MAGI1: variants seen among roughly 807,000 people sequenced by gnomAD.
The protein encoded by MAGI1 is membrane-associated guanylate kinase, WW and PDZ domain-containing protein 1.
A neutral mutation model predicts 139.9 loss-of-function variants in MAGI1; 58 were observed. The ratio of observed to expected loss-of-function variants is 0.41; its 90% CI spans 0.34 to 0.52. The LOEUF (loss-of-function observed/expected upper bound fraction) is 0.52, where lower values mean the gene tolerates loss of function less well. Among genes scored for constraint, MAGI1 ranks in the 20% least tolerant of loss-of-function variants. The pLI is 0.12. For synonymous variants in MAGI1, 812 were observed against 737.9 expected (o/e 1.10, Z -1.63); for missense variants, 1,874 against 1,901.6 (o/e 0.99, Z 0.27).
chr3:65,864,533 C>T (rs1277386772), intron 1 of MAGI1, among the ~76,000 whole-genome samples: 1 of 152,362 alleles, frequency 6.6e-6, no homozygotes, highest in Non-Finnish European at 1.5e-5. Context: ...CTCCATGTCA[C>T]GTGCCACACA....
intron 8 of MAGI1, among the ~76,000 whole-genome samples, chr3:65,440,223 T>G (rs1174943988): frequency 1.3e-5 from 2 of 152,166 alleles, no homozygotes; most frequent in African/African-American, 4.8e-5. Flanking sequence ...GCTACCAGTT[T>G]TATATGCATT....
At chr3:65,718,647 C>T (rs564208279) in intron 1 of MAGI1, 7 of 152,114 alleles carry the variant, frequency 4.6e-5, no homozygotes, top group Non-Finnish European at 7.4e-5. Flanking sequence ...TTTCAGAGCA[C>T]GTTCTCAGAT....
At chr3:65,583,734 A>G (rs1224852620) in intron 2 of MAGI1, among the ~76,000 whole-genome samples, 1 of 152,190 alleles carries the variant, frequency 6.6e-6, no homozygotes, top group Non-Finnish European at 1.5e-5. Context: ...GAAGAAGAAT[A>G]GGGCTCTTTA....
chr3:65,579,985 C>T (rs765896980), intron 2 of MAGI1, among the ~76,000 whole-genome samples: 31 of 152,020 alleles, frequency 2.0e-4, no homozygotes, highest in Non-Finnish European at 4.4e-4. Context: ...TTCACATGAT[C>T]TTATGAAACT....
At chr3:65,607,494 C>T (rs962395481) in intron 2 of MAGI1, among the ~76,000 whole-genome samples, 3 of 152,126 alleles carry the variant, frequency 2.0e-5, no homozygotes, top group African/African-American at 4.8e-5. Context: ...AGTCCAAGCA[C>T]TGTTCTAGGC....
At chr3:65,668,060 C>G (rs1435749785) in intron 1 of MAGI1, among the ~76,000 whole-genome samples, 1 of 152,078 alleles carries the variant, frequency 6.6e-6, no homozygotes, top group Non-Finnish European at 1.5e-5. Flanking sequence ...AGATTCAGAC[C>G]ATGAACTCCA....
intron 1 of MAGI1, among the ~76,000 whole-genome samples, chr3:65,808,659 G>A (rs996838358): frequency 2.0e-5 from 3 of 152,118 alleles, no homozygotes; most frequent in Non-Finnish European, 2.9e-5. Context: ...TTACATACCC[G>A]TGGGACCCAC....
chr3:65,466,600 G>A (rs1429949555), intron 5 of MAGI1, among the ~76,000 whole-genome samples: 1 of 152,098 alleles, frequency 6.6e-6, no homozygotes, highest in Non-Finnish European at 1.5e-5. Flanking sequence ...ACAGGGAGAG[G>A]GTGGGCTCTT....
intron 2 of MAGI1, among the ~76,000 whole-genome samples, chr3:65,560,560 G>C (rs980264655): frequency 1.3e-5 from 2 of 152,066 alleles, no homozygotes; most frequent in Admixed American, 6.6e-5. Flanking sequence ...TAAAGGAGCC[G>C]GTCATCTGCA....
chr3:65,764,160 C>T (rs2037282767), intron 1 of MAGI1, among the ~76,000 whole-genome samples: 1 of 151,754 alleles, frequency 6.6e-6, no homozygotes, highest in Non-Finnish European at 1.5e-5. Flanking sequence ...CTTCCGTTTC[C>T]TTTTATGATC....
intron 2 of MAGI1, among the ~76,000 whole-genome samples, chr3:65,565,915 A>C (rs1473316364): frequency 6.6e-6 from 1 of 151,762 alleles, no homozygotes; most frequent in Non-Finnish European, 1.5e-5. Context: ...ATTTGGAGGA[A>C]GTCCTTACCA....
chr3:65,715,224 T>C (rs1216278540), intron 1 of MAGI1, among the ~76,000 whole-genome samples: 3 of 152,202 alleles, frequency 2.0e-5, no homozygotes, highest in Non-Finnish European at 4.4e-5. Flanking sequence ...AGATGCTAAA[T>C]TGGTGTAACA....
At chr3:65,542,348 A>C (rs1036357351) in intron 2 of MAGI1, among the ~76,000 whole-genome samples, 6 of 152,222 alleles carry the variant, frequency 3.9e-5, no homozygotes, top group Non-Finnish European at 8.8e-5. Flanking sequence ...TACTTTTCAA[A>C]GTAAGTTTTA....
intron 2 of MAGI1, among the ~76,000 whole-genome samples, chr3:65,508,826 T>C (rs1047647687): frequency 2.0e-5 from 3 of 152,248 alleles, no homozygotes; most frequent in African/African-American, 7.2e-5. Flanking sequence ...TGAGTGTCAT[T>C]ATCACACAAT....
intron 1 of MAGI1, among the ~76,000 whole-genome samples, chr3:65,731,069 G>A (rs1015839321): frequency 6.6e-6 from 1 of 151,962 alleles, no homozygotes; most frequent in Non-Finnish European, 1.5e-5. Flanking sequence ...CGTGCAACAG[G>A]GCATTTCTTC....
At chr3:65,914,714 G>A (rs552220092) in intron 1 of MAGI1, among the ~76,000 whole-genome samples, 1 of 152,330 alleles carries the variant, frequency 6.6e-6, no homozygotes, top group South Asian at 2.1e-4. Flanking sequence ...TCACAAAGTT[G>A]AGAACAGTAT....
chr3:65,892,913 A>T (rs567620867), intron 1 of MAGI1, among the ~76,000 whole-genome samples: 13 of 152,330 alleles, frequency 8.5e-5, no homozygotes, highest in African/African-American at 2.6e-4. Flanking sequence ...ACCCAGGGTC[A>T]GAGGCAGAAA....
intron 1 of MAGI1, among the ~76,000 whole-genome samples, chr3:65,735,556 C>T (rs559990953): frequency 1.3e-5 from 2 of 152,242 alleles, no homozygotes; most frequent in South Asian, 4.2e-4. Context: ...GATGGTCAGA[C>T]AGCACTGAAT....
At chr3:65,448,174 A>C in intron 6 of MAGI1, 117 bp from the exon 7 acceptor site, 7 of 891,826 alleles carry the variant, frequency 7.8e-6, no homozygotes, top group East Asian at 4.8e-5. Flanking sequence ...ACTCTAGTTC[A>C]TCCTTACCTG....
Sources: allele counts gnomAD v4.1 joint callset (sites outside exome capture counted in the v4.1 genomes callset), GRCh38; gene constraint gnomAD v4.1.1; transcripts MANE v1.5; gene names NCBI Gene and HGNC (gene_info 2026-07-23, HGNC 2026-07-21).